Variants in PCBP3 observed in about 807,000 individuals in gnomAD.
The protein encoded by PCBP3 is poly(rC) binding protein 3, also known as poly(rC)-binding protein 3.
PCBP3 carries 25 observed loss-of-function variants against 52.7 expected under a neutral mutation model. That is an observed-to-expected ratio of 0.47 (90% CI 0.35 to 0.66). The LOEUF (loss-of-function observed/expected upper bound fraction) is 0.66. Ranked by LOEUF, PCBP3 falls within the 30% of genes least tolerant of loss-of-function variation. The probability of loss-of-function intolerance (pLI) is 0.01; values close to 1 mark genes in which losing one functional copy is unlikely to be tolerated. For missense variants in PCBP3, 391 were observed against 490.3 expected (o/e 0.80, Z 1.91); for synonymous variants, 162 against 183.0 (o/e 0.89, Z 0.93).
chr21:45,930,941 C>G, intron 15 of PCBP3, 96 bp downstream of exon 15: 1 of 1,549,472 alleles, frequency 6.5e-7, no homozygotes, highest in Non-Finnish European at 8.7e-7. Context: ...GCAGCAGTTT[C>G]CAGCTTCCAT....
chr21:45,939,065 AGCCTCACG>A (rs2077176189), intron 16 of PCBP3, among the ~76,000 whole-genome samples: 2 of 152,230 alleles, frequency 1.3e-5, no homozygotes, highest in Admixed American at 1.3e-4. Flanking sequence ...ACACCCCAGC[AGCCTCACG>A]GGAGGTGGGA....
intron 1 of PCBP3, among the ~76,000 whole-genome samples, chr21:45,657,774 T>C (rs2080113175): frequency 6.6e-6 from 1 of 152,200 alleles, no homozygotes; most frequent in East Asian, 1.9e-4. Context: ...TTCCAATCCA[T>C]GAGCATAGGA....
At chr21:45,781,008 G>A (rs1474091967) in intron 4 of PCBP3, among the ~76,000 whole-genome samples, 1 of 152,158 alleles carries the variant, frequency 6.6e-6, no homozygotes, top group African/African-American at 2.4e-5. Flanking sequence ...AGTAGGTTGT[G>A]TCTAGCTGTC....
rs983803681 is a variant in PCBP3 at position 45,929,955 on chromosome 21, C to G, written c.756C>G (p.Thr252=). Residue 252 remains threonine (T), a synonymous_variant, in exon 14 of 18, where the codon ACC becomes ACG. Coordinates refer to ENST00000681687, the MANE Select transcript of PCBP3 (RefSeq NM_001384156.1). ...TKLHQLAMQQ[T]PFPPLGQTNP... Reference sequence around the variant, plus strand: ...TCCACCAGTTGGCCATGCAGCAAACCCCCTTTCCTCCCCTCGGACAGACCA... The same window carrying G: ...TCCACCAGTTGGCCATGCAGCAAACGCCCTTTCCTCCCCTCGGACAGACCA... 6.2e-7 allele frequency: 1 copy of G among 1,613,786 alleles called. No individual in the cohort carries two copies. Among genetic ancestry groups the G allele is most frequent in the Non-Finnish European group, 8.5e-7 (1 of 1,179,952 alleles).
chr21:45,874,345 T>C (rs533669159), intron 5 of PCBP3, among the ~76,000 whole-genome samples: 1 of 152,288 alleles, frequency 6.6e-6, no homozygotes, highest in South Asian at 2.1e-4. Flanking sequence ...AGAGTTCGAG[T>C]CAATGAAAAA....
intron 16 of PCBP3, among the ~76,000 whole-genome samples, chr21:45,939,637 C>G (rs1020719868): frequency 6.6e-5 from 10 of 152,248 alleles, no homozygotes; most frequent in African/African-American, 2.4e-4. Flanking sequence ...AAGGTGCAGA[C>G]ACCGCTGGGC....
At chr21:45,650,920 C>T (rs558497937) in intron 1 of PCBP3, among the ~76,000 whole-genome samples, 17 of 152,180 alleles carry the variant, frequency 1.1e-4, no homozygotes, top group African/African-American at 2.6e-4. Context: ...TCAGATGGGG[C>T]GGGGTGGTAG....
intron 5 of PCBP3, among the ~76,000 whole-genome samples, chr21:45,888,986 A>G (rs773491631): frequency 3.3e-5 from 5 of 152,276 alleles, no homozygotes; most frequent in Non-Finnish European, 7.3e-5. Flanking sequence ...TGCACATTAA[A>G]TAGCCCTTGT....
intron 5 of PCBP3, among the ~76,000 whole-genome samples, chr21:45,855,566 C>T (rs2094251685): frequency 6.6e-6 from 1 of 152,256 alleles, no homozygotes; most frequent in African/African-American, 2.4e-5. Flanking sequence ...CTGAACCCAA[C>T]CAGGCCGGTT....
At chr21:45,909,573 C>T in intron 10 of PCBP3, 87 bp downstream of exon 10, 2 of 1,350,424 alleles carry the variant, frequency 1.5e-6, no homozygotes, top group South Asian at 1.3e-5. Context: ...CTTCCTGAGC[C>T]TTGTCCCTGC....
chr21:45,903,277 G>A (rs556397348), intron 9 of PCBP3, among the ~76,000 whole-genome samples: 25 of 152,248 alleles, frequency 1.6e-4, no homozygotes, highest in Admixed American at 1.4e-3. Context: ...CCAGGGTTTC[G>A]TGGCCAGTTG....
chr21:45,658,925 G>A (rs1021126745), intron 1 of PCBP3, among the ~76,000 whole-genome samples: 2 of 151,316 alleles, frequency 1.3e-5, no homozygotes, highest in African/African-American at 2.4e-5. Context: ...ATTTCACCTA[G>A]GTTATCTAAT....
intron 2 of PCBP3, among the ~76,000 whole-genome samples, chr21:45,715,210 C>G (rs1402512425): frequency 2.0e-5 from 3 of 152,150 alleles, no homozygotes; most frequent in Non-Finnish European, 4.4e-5. Context: ...TATATGGTTT[C>G]CTTCCTATAC....
At chr21:45,856,528 G>C (rs890568723) in intron 5 of PCBP3, among the ~76,000 whole-genome samples, 3 of 152,214 alleles carry the variant, frequency 2.0e-5, no homozygotes, top group Non-Finnish European at 4.4e-5. Context: ...ATCCCCTGGT[G>C]ATGACCGAGC....
At chr21:45,865,298 C>T (rs1356115570) in intron 5 of PCBP3, among the ~76,000 whole-genome samples, 2 of 152,182 alleles carry the variant, frequency 1.3e-5, no homozygotes, top group Admixed American at 6.5e-5. Flanking sequence ...CATGCCTGCT[C>T]ATGTTTAAAA....
intron 1 of PCBP3, among the ~76,000 whole-genome samples, chr21:45,652,669 C>T (rs550026793): frequency 2.0e-5 from 3 of 152,236 alleles, no homozygotes; most frequent in East Asian, 1.9e-4. Context: ...TCTCAAACTC[C>T]TGACCTCAGG....
intron 4 of PCBP3, among the ~76,000 whole-genome samples, chr21:45,818,175 A>C (rs908397732): frequency 6.6e-6 from 1 of 151,976 alleles, no homozygotes; most frequent in Non-Finnish European, 1.5e-5. Context: ...GGTGCGTGCC[A>C]CCAAGCCTGG....
At chr21:45,662,954 C>T (rs2080510907) in intron 1 of PCBP3, among the ~76,000 whole-genome samples, 1 of 152,158 alleles carries the variant, frequency 6.6e-6, no homozygotes, top group African/African-American at 2.4e-5. Flanking sequence ...TACACCACCT[C>T]TTGTGGAGGG....
chr21:45,716,656 C>T (rs2084246721), intron 2 of PCBP3, among the ~76,000 whole-genome samples: 1 of 152,110 alleles, frequency 6.6e-6, no homozygotes, highest in Middle Eastern at 3.2e-3. Flanking sequence ...TTTAAAATCC[C>T]TGTGTTTAAA....
Sources: allele counts gnomAD v4.1 joint callset (sites outside exome capture counted in the v4.1 genomes callset), GRCh38; gene constraint gnomAD v4.1.1; transcripts MANE v1.5; gene names NCBI Gene and HGNC (gene_info 2026-07-23, HGNC 2026-07-21).